Variants in TRPS1 observed in about 807,000 individuals in gnomAD.
TRPS1 encodes zinc finger transcription factor Trps1.
In TRPS1, 6 loss-of-function variants were observed where a neutral mutation model predicts 101.2. That is an observed-to-expected ratio of 0.06 (90% CI 0.03 to 0.12). The LOEUF (loss-of-function observed/expected upper bound fraction) is 0.12, where lower values mean the gene tolerates loss of function less well. Ranked by LOEUF, TRPS1 falls within the 10% of genes least tolerant of loss-of-function variation. The pLI is 1.00. For synonymous variants in TRPS1, 578 were observed against 589.8 expected (o/e 0.98, Z 0.29); for missense variants, 1,363 against 1,567.0 (o/e 0.87, Z 2.20).
At chr8:115,553,116 T>C (rs530118032) in intron 5 of TRPS1, among the ~76,000 whole-genome samples, 44 of 152,246 alleles carry the variant, frequency 2.9e-4, no homozygotes, top group African/African-American at 1.1e-3. Context: ...TAAGTTTACA[T>C]AAAACCTTGA....
chr8:115,460,070 C>T (rs1814129023), intron 5 of TRPS1, among the ~76,000 whole-genome samples: 2 of 152,048 alleles, frequency 1.3e-5, no homozygotes, highest in South Asian at 2.1e-4. Context: ...ATTAAGTTAC[C>T]AGAAAGACAT....
intron 5 of TRPS1, among the ~76,000 whole-genome samples, chr8:115,541,033 A>C (rs1234375767): frequency 6.6e-6 from 1 of 152,090 alleles, no homozygotes; most frequent in Non-Finnish European, 1.5e-5. Flanking sequence ...TTATACACTT[A>C]TATAATATTT....
chr8:115,519,910 T>C (rs1459974696), intron 5 of TRPS1, among the ~76,000 whole-genome samples: 1 of 151,794 alleles, frequency 6.6e-6, no homozygotes, highest in Non-Finnish European at 1.5e-5. Flanking sequence ...AATATGCTTT[T>C]CAAGAAATGC....
intron 3 of TRPS1, among the ~76,000 whole-genome samples, chr8:115,607,874 T>A (rs181523643): frequency 1.3e-5 from 2 of 152,286 alleles, no homozygotes; most frequent in Admixed American, 6.5e-5. Flanking sequence ...AATGCCATTC[T>A]ACAATAAAAC....
intron 5 of TRPS1, among the ~76,000 whole-genome samples, chr8:115,491,461 T>C (rs1266379759): frequency 6.6e-6 from 1 of 152,134 alleles, no homozygotes; most frequent in Non-Finnish European, 1.5e-5. Flanking sequence ...AGTCTTCCCA[T>C]CAGTGCTACC....
intron 5 of TRPS1, among the ~76,000 whole-genome samples, chr8:115,441,894 A>AGTGTGTGTGT (rs746166025): frequency 2.0e-4 from 26 of 132,274 alleles, no homozygotes; most frequent in East Asian, 6.3e-4. Context: ...AGAGAGAGAG[A>AGTGTGTGTGT]GAGAGTGTGT....
chr8:115,608,568 T>G (rs1586453864), intron 3 of TRPS1, among the ~76,000 whole-genome samples: 1 of 147,306 alleles, frequency 6.8e-6, no homozygotes, highest in Non-Finnish European at 1.5e-5. Flanking sequence ...TTATTTAACC[T>G]CTTGGAACCT....
intron 5 of TRPS1, among the ~76,000 whole-genome samples, chr8:115,558,143 T>C (rs898613890): frequency 6.6e-6 from 1 of 151,660 alleles, no homozygotes; most frequent in East Asian, 1.9e-4. Context: ...AAACATTGTA[T>C]ATTATTCTTC....
chr8:115,531,199 T>C lies in TRPS1; in HGVS notation c.2700+55802A>G, dbSNP rs573351174. 1.4e-4 allele frequency among the ~76,000 whole-genome samples: 21 copies of C among 152,326 alleles called. 1 individual carries two copies. In the South Asian group the frequency reaches 3.9e-3, roughly 29 times the overall value. ...AAGATAACTGCAAAAACGAATGATATAGGTGCCTGAGAAATTTTGAGAAGG... is the reference window on the plus strand; with the variant it reads ...AAGATAACTGCAAAAACGAATGATACAGGTGCCTGAGAAATTTTGAGAAGG... On this transcript the variant is annotated intron_variant, in intron 5 of 6. Coordinates refer to ENST00000395715, the MANE Select transcript of TRPS1 (RefSeq NM_014112.5).
intron 2 of TRPS1, among the ~76,000 whole-genome samples, chr8:115,620,289 A>C (rs1195237685): frequency 6.6e-6 from 1 of 152,076 alleles, no homozygotes; most frequent in Non-Finnish European, 1.5e-5. Context: ...TATTATTTTA[A>C]GGTGGTTTTA....
At chr8:115,641,329 C>A (rs1818890342) in intron 1 of TRPS1, among the ~76,000 whole-genome samples, 1 of 152,194 alleles carries the variant, frequency 6.6e-6, no homozygotes, top group Admixed American at 6.5e-5. Flanking sequence ...CTTGGCATTG[C>A]TTTCAAATGT....
At chr8:115,624,905 C>A (rs936160055) in intron 1 of TRPS1, among the ~76,000 whole-genome samples, 2 of 151,654 alleles carry the variant, frequency 1.3e-5, no homozygotes, top group Non-Finnish European at 3.0e-5. Flanking sequence ...CTATCATTAT[C>A]TAGATACTGT....
chr8:115,573,969 G>A (rs1015502118), intron 5 of TRPS1, among the ~76,000 whole-genome samples: 3 of 152,070 alleles, frequency 2.0e-5, no homozygotes, highest in African/African-American at 7.2e-5. Context: ...AACACAATGT[G>A]ATCTGTTCCT....
At chr8:115,415,216 A>C (rs1812890478) in intron 6 of TRPS1, 132 bp from the exon 7 acceptor site, 8 of 973,822 alleles carry the variant, frequency 8.2e-6, no homozygotes, top group East Asian at 5.3e-5. Context: ...AGATTTACTA[A>C]ATCTCCTCCT....
intron 5 of TRPS1, among the ~76,000 whole-genome samples, chr8:115,481,752 C>T (rs59115125): frequency 6.6e-6 from 1 of 152,076 alleles, no homozygotes; most frequent in Admixed American, 6.6e-5. Flanking sequence ...CTGAGACAGT[C>T]ATCTGTTTTT....
chr8:115,533,436 G>GTTTT lies in TRPS1; in HGVS notation c.2700+53561_2700+53564dup, dbSNP rs1161916592. Among the ~76,000 whole-genome samples the GTTTT allele has an allele frequency of 4.0e-4, 14 of 34,998 alleles. 4 individuals are homozygous for GTTTT. The highest frequency in any genetic ancestry group is 3.2e-3 in the East Asian group (3 of 928). The allele number at this position is 34,998 out of a possible 152,430, so 23.0% of individuals were successfully genotyped here. On this transcript the variant is annotated intron_variant, in intron 5 of 6. Transcript: ENST00000395715. ...GGGGCCCGCTTCCCACATGTAATCT[G>GTTTT]TTTTTTTTTTTTTTTTTTTTTTTCC...
At chr8:115,506,451 G>A (rs1045771562) in intron 5 of TRPS1, among the ~76,000 whole-genome samples, 2 of 151,736 alleles carry the variant, frequency 1.3e-5, no homozygotes, top group Non-Finnish European at 2.9e-5. Flanking sequence ...AGTCCTAATG[G>A]AGTTCATATC....
intron 3 of TRPS1, among the ~76,000 whole-genome samples, chr8:115,609,657 A>G (rs934834399): frequency 4.1e-4 from 62 of 152,216 alleles, no homozygotes; most frequent in African/African-American, 1.4e-3. Flanking sequence ...ATGACTGACT[A>G]TGGAGTCCTT....
At chr8:115,501,621 T>C (rs555625413) in intron 5 of TRPS1, among the ~76,000 whole-genome samples, 5 of 152,350 alleles carry the variant, frequency 3.3e-5, no homozygotes, top group African/African-American at 7.2e-5. Flanking sequence ...ATTATCACTA[T>C]ACAGAGTCCT....
Sources: gnomAD v4.1 joint callset for allele counts (sites outside exome capture counted in the v4.1 genomes callset) on GRCh38, gnomAD v4.1.1 for gene constraint, MANE v1.5 for transcripts, NCBI Gene and HGNC (gene_info 2026-07-23, HGNC 2026-07-21) for gene names.